Variants in GABRG3 observed in about 807,000 individuals in gnomAD.
GABRG3 encodes the protein gamma-aminobutyric acid type A receptor subunit gamma3.
In GABRG3, 25 loss-of-function variants were observed where a neutral mutation model predicts 48.8. The ratio of observed to expected loss-of-function variants is 0.51; its 90% CI spans 0.37 to 0.72. The LOEUF (loss-of-function observed/expected upper bound fraction) is 0.72, where lower values mean the gene tolerates loss of function less well. Among genes scored for constraint, GABRG3 ranks in the 30% least tolerant of loss-of-function variants. The probability of loss-of-function intolerance (pLI) is 0.00; values close to 1 mark genes in which losing one functional copy is unlikely to be tolerated. For synonymous variants in GABRG3, 227 were observed against 217.6 expected, an observed-to-expected ratio of 1.04 and a Z score of -0.38; for missense variants, 394 against 577.9, an observed-to-expected ratio of 0.68 and a Z score of 3.26.
At chr15:27,496,553 C>T (rs147411842) in intron 6 of GABRG3, among the ~76,000 whole-genome samples, 5 of 152,258 alleles carry the variant, frequency 3.3e-5, no homozygotes, top group African/African-American at 9.6e-5. Flanking sequence ...TGTCTTTCCT[C>T]GGGTCCCAAA....
intron 7 of GABRG3, among the ~76,000 whole-genome samples, chr15:27,525,523 C>T (rs1382014262): frequency 6.6e-6 from 1 of 151,906 alleles, no homozygotes; most frequent in African/African-American, 2.4e-5. Flanking sequence ...GGTGAAGTTT[C>T]AGGGTGGGGG....
chr15:27,307,483 T>TTATATATTTATATATAAACC (rs1566771345), intron 3 of GABRG3, among the ~76,000 whole-genome samples: 1 of 28,490 alleles, frequency 3.5e-5, no homozygotes, highest in African/African-American at 9.4e-5. Flanking sequence ...AAACATAGGT[T>TTATATATTTATATATAAACC]TATAGGTTTA....
At chr15:27,343,955 C>G (rs1213696461) in intron 5 of GABRG3, among the ~76,000 whole-genome samples, 1 of 324 alleles carries the variant, frequency 3.1e-3, no homozygotes, top group Non-Finnish European at 7.6e-3. Context: ...TGACCAGGAT[C>G]TGGAAAAAAT....
rs139973909 is a variant in GABRG3 at position 27,381,501 on chromosome 15, C to G, written c.574+52613C>G. Among the ~76,000 whole-genome samples, 828 of 152,270 alleles carry G rather than the reference C, an allele frequency of 5.4e-3. 6 individuals are homozygous for G. The highest frequency in any genetic ancestry group is 0.019 in the African/African-American group (790 of 41,560). ...CCCACTGAGTCTCCAGCAATTTGTC[C>G]ATTACAGTTTAGGTTTTCTCACCCC... On this transcript the variant is annotated intron_variant, in intron 5 of 9. Coordinates refer to ENST00000615808, the MANE Select transcript of GABRG3 (RefSeq NM_033223.5).
At chr15:27,462,995 A>G (rs1889494557) in intron 5 of GABRG3, among the ~76,000 whole-genome samples, 1 of 152,182 alleles carries the variant, frequency 6.6e-6, no homozygotes, top group Non-Finnish European at 1.5e-5. Context: ...AGGAAATAAA[A>G]ATAAGCACCA....
At chr15:27,497,112 C>A (rs1890506204) in intron 6 of GABRG3, among the ~76,000 whole-genome samples, 1 of 151,904 alleles carries the variant, frequency 6.6e-6, no homozygotes, top group African/African-American at 2.4e-5. Context: ...TCATCAGTAT[C>A]CCCCTCATGG....
At chr15:27,062,431 TAC>T (rs1896663323) in intron 3 of GABRG3, among the ~76,000 whole-genome samples, 1 of 35,234 alleles carries the variant, frequency 2.8e-5, no homozygotes. Flanking sequence ...ACTCCATCTC[TAC>T]TAAAAAAAAA....
chr15:26,975,006 C>G lies in GABRG3; in HGVS notation c.54-1996C>G, dbSNP rs894162278. ...CTCTTGCCTCAGCCTCCTGAATAGCCAGGACTACAGGCATGTGCCACCATG... is the reference window on the plus strand; with the variant it reads ...CTCTTGCCTCAGCCTCCTGAATAGCGAGGACTACAGGCATGTGCCACCATG... On this transcript the variant is annotated intron_variant, in intron 1 of 9. Coordinates refer to ENST00000615808, the MANE Select transcript of GABRG3 (RefSeq NM_033223.5). The surrounding 1 kb of genome is among the most constrained non-coding windows in gnomAD (Gnocchi z 4.6). Among the ~76,000 whole-genome samples the G allele has an allele frequency of 2.0e-5, 3 of 151,540 alleles. No homozygotes were observed. The highest frequency in any genetic ancestry group is 4.4e-5 in the Non-Finnish European group (3 of 67,914).
intron 3 of GABRG3, among the ~76,000 whole-genome samples, chr15:27,054,547 G>GT (rs1349921737): frequency 6.6e-6 from 1 of 152,218 alleles, no homozygotes; most frequent in East Asian, 1.9e-4. Flanking sequence ...TCCCAAGGCT[G>GT]TAAGACTTGA....
intron 3 of GABRG3, among the ~76,000 whole-genome samples, chr15:27,137,949 T>A (rs1898038517): frequency 6.6e-6 from 1 of 152,230 alleles, no homozygotes; most frequent in Admixed American, 6.5e-5. Context: ...TTGACACCCA[T>A]GCACCCATCA....
intron 2 of GABRG3, among the ~76,000 whole-genome samples, chr15:27,020,454 C>T (rs1895868015): frequency 6.6e-6 from 1 of 152,222 alleles, no homozygotes; most frequent in Non-Finnish European, 1.5e-5. Flanking sequence ...CTCTTTCGCC[C>T]AGGCTGGAGT....
At chr15:27,155,661 T>C (rs1016200907) in intron 3 of GABRG3, among the ~76,000 whole-genome samples, 3 of 152,176 alleles carry the variant, frequency 2.0e-5, no homozygotes, top group Admixed American at 6.5e-5. Flanking sequence ...ATTGGGTTTA[T>C]TTACCCTTGG....
chr15:27,116,993 T>C (rs1453365900), intron 3 of GABRG3, among the ~76,000 whole-genome samples: 2 of 152,306 alleles, frequency 1.3e-5, no homozygotes, highest in African/African-American at 4.8e-5. Flanking sequence ...GGTATCGTGT[T>C]ATATCAGTAC....
At chr15:27,492,529 C>T (rs1890381410) in intron 6 of GABRG3, among the ~76,000 whole-genome samples, 1 of 152,216 alleles carries the variant, frequency 6.6e-6, no homozygotes, top group African/African-American at 2.4e-5. Flanking sequence ...CTGTCCCAGC[C>T]TCTGGCTAGC....
intron 5 of GABRG3, among the ~76,000 whole-genome samples, chr15:27,336,255 AAAAGAAAG>A (rs150626796): frequency 6.7e-5 from 10 of 149,806 alleles, no homozygotes; most frequent in African/African-American, 2.3e-4. Flanking sequence ...GAAAGAAAGA[AAAAGAAAG>A]AAAGAAAGGA....
chr15:27,207,775 G>A (rs1888905388), intron 3 of GABRG3, among the ~76,000 whole-genome samples: 4 of 152,196 alleles, frequency 2.6e-5, no homozygotes, highest in Admixed American at 2.6e-4. Context: ...ATCATGAGGG[G>A]CCCCTTACAT....
intron 3 of GABRG3, among the ~76,000 whole-genome samples, chr15:27,126,805 G>A (rs1338846185): frequency 2.6e-5 from 4 of 152,166 alleles, no homozygotes; most frequent in Admixed American, 2.6e-4. Flanking sequence ...TGCTAGGGAT[G>A]GATGGCATAA....
chr15:27,367,149 G>A (rs556865809), intron 5 of GABRG3, among the ~76,000 whole-genome samples: 3 of 152,234 alleles, frequency 2.0e-5, no homozygotes, highest in South Asian at 4.1e-4. Context: ...CCCAGAGGTG[G>A]AGTTTCCATC....
At chr15:26,998,423 A>C (rs768605810) in intron 2 of GABRG3, among the ~76,000 whole-genome samples, 2 of 152,200 alleles carry the variant, frequency 1.3e-5, no homozygotes, top group East Asian at 3.9e-4. Flanking sequence ...CAGCAGCCCA[A>C]TACTCCCAGA....
Sources: gnomAD v4.1 joint callset for allele counts (sites outside exome capture counted in the v4.1 genomes callset) on GRCh38, gnomAD v4.1.1 for gene constraint, Gnocchi (gnomAD v3.1) non-coding constraint, MANE v1.5 for transcripts, NCBI Gene and HGNC (gene_info 2026-07-23, HGNC 2026-07-21) for gene names.